DYRK1A: variants seen among roughly 807,000 people sequenced by gnomAD.
DYRK1A encodes dual specificity tyrosine phosphorylation regulated kinase 1A.
In DYRK1A, 9 loss-of-function variants were observed where a neutral mutation model predicts 79.7. The observed-to-expected ratio is 0.11, with a 90% CI of 0.07 to 0.20. The LOEUF is 0.20. Ranked by LOEUF, DYRK1A falls within the 10% of genes least tolerant of loss-of-function variation. DYRK1A has a pLI of 1.00. For synonymous variants in DYRK1A, 349 were observed against 329.7 expected (o/e 1.06, Z -0.63); for missense variants, 622 against 956.0 (o/e 0.65, Z 4.61).
Position 37,515,472 on chromosome 21 carries a change from A to ATG in DYRK1A, c.*2944_*2945dup, listed in dbSNP as rs2053869593. 1 of 152,098 alleles carries ATG rather than the reference A, an allele frequency of 6.6e-6. No homozygotes were observed. Among genetic ancestry groups the ATG allele is most frequent in the African/African-American group, 2.4e-5 (1 of 41,410 alleles). The allele number at this position is 152,098 out of a possible 1,614,324, so 9.4% of individuals were successfully genotyped here. ...TTTTAGTTGGTAGCATTTCGACTGG[A>ATG]TGTGAGGGTCTGATGGTTTTCTCTG... On this transcript the variant is annotated 3_prime_UTR_variant, in exon 12 of 12. Transcript: ENST00000647188.
intron 7 of DYRK1A, 114 bp from the exon 8 acceptor site, chr21:37,492,903 C>T: frequency 1.2e-6 from 1 of 800,226 alleles, no homozygotes; most frequent in Non-Finnish European, 1.9e-6. Context: ...TCAATGGAAC[C>T]CTAATTCAGG....
At chr21:37,460,192 C>G (rs919422477) in intron 2 of DYRK1A, among the ~76,000 whole-genome samples, 2 of 151,662 alleles carry the variant, frequency 1.3e-5, no homozygotes, top group East Asian at 3.9e-4. Flanking sequence ...TCAGTTAATA[C>G]CTAAAATTCG....
chr21:37,445,727 A>C (rs1179431866), intron 2 of DYRK1A, among the ~76,000 whole-genome samples: 1 of 152,194 alleles, frequency 6.6e-6, no homozygotes, highest in East Asian at 1.9e-4. Flanking sequence ...GGAGTACAGT[A>C]GTAACAGTTT....
At chr21:37,510,653 G>A (rs994835217) in intron 11 of DYRK1A, among the ~76,000 whole-genome samples, 1 of 152,164 alleles carries the variant, frequency 6.6e-6, no homozygotes, top group African/African-American at 2.4e-5. Context: ...TTGTGCAACA[G>A]TCCAGAATAG....
At chr21:37,461,749 A>G (rs57666071) in intron 2 of DYRK1A, among the ~76,000 whole-genome samples, 38,728 of 151,900 alleles carry the variant, frequency 0.25, 5,862 homozygotes, top group East Asian at 0.48. Context: ...TGACTCCCCT[A>G]TATGGAAACA....
At chr21:37,496,782 T>C (rs1489439398) in intron 9 of DYRK1A, among the ~76,000 whole-genome samples, 2 of 152,218 alleles carry the variant, frequency 1.3e-5, no homozygotes. Context: ...CTCATTGACT[T>C]GGATAGCAAA....
chr21:37,484,474 G>GC (rs1166764738), intron 5 of DYRK1A, among the ~76,000 whole-genome samples: 2 of 151,760 alleles, frequency 1.3e-5, no homozygotes, highest in Middle Eastern at 3.4e-3. Flanking sequence ...GATTGCAGGT[G>GC]CCCCCCACCA....
Position 37,501,007 on chromosome 21 carries a change from G to C in DYRK1A, c.1213-4276G>C, listed in dbSNP as rs929991085. Among the ~76,000 whole-genome samples the C allele has an allele frequency of 5.4e-5, 8 of 147,898 alleles. No homozygotes were observed. In the South Asian group the frequency reaches 6.4e-4, roughly 12 times the overall value. ...TGCTCTTCATTATGTCCATTTACTTGGGTTGAATTTACTCCTTTTCCAGCT... is the reference window on the plus strand; with the variant it reads ...TGCTCTTCATTATGTCCATTTACTTCGGTTGAATTTACTCCTTTTCCAGCT... On this transcript the variant is annotated intron_variant, in intron 9 of 11. Coordinates refer to ENST00000647188, the MANE Select transcript of DYRK1A (RefSeq NM_001347721.2).
chr21:37,475,060 C>T (rs2052350096), intron 3 of DYRK1A, among the ~76,000 whole-genome samples: 1 of 152,088 alleles, frequency 6.6e-6, no homozygotes, highest in African/African-American at 2.4e-5. Context: ...AGAATCTTTT[C>T]AGGACAAAAG....
chr21:37,500,940 C>T lies in DYRK1A; in HGVS notation c.1213-4343C>T, dbSNP rs778011788. ...GACTTTGTTGATTTCTTTTTTTTTT[C>T]TTTTCTTTTTCTATTCTTGATCTAG... On this transcript the variant is annotated intron_variant, in intron 9 of 11. Coordinates refer to ENST00000647188, the MANE Select transcript of DYRK1A (RefSeq NM_001347721.2). Among the ~76,000 whole-genome samples the T allele has an allele frequency of 5.7e-4, 76 of 134,448 alleles. 1 individual carries two copies. Among genetic ancestry groups the T allele is most frequent in the African/African-American group, 1.5e-3 (58 of 38,612 alleles). 88.2% of individuals were successfully genotyped at this position (134,448 alleles called of 152,430 possible).
intron 9 of DYRK1A, chr21:37,503,239 C>T (rs574690270): frequency 6.6e-6 from 1 of 152,290 alleles, no homozygotes; most frequent in South Asian, 2.1e-4. Context: ...TCTAGTTCTC[C>T]AGTGATGTGT....
chr21:37,370,451 G>C (rs1255338685), intron 1 of DYRK1A, among the ~76,000 whole-genome samples: 7 of 152,164 alleles, frequency 4.6e-5, no homozygotes, highest in Non-Finnish European at 1.0e-4. Flanking sequence ...TTGTGCCACT[G>C]AACACAAGAT....
chr21:37,377,922 G>A (rs1173474395), intron 1 of DYRK1A, among the ~76,000 whole-genome samples: 8 of 152,216 alleles, frequency 5.3e-5, no homozygotes, highest in African/African-American at 1.7e-4. Flanking sequence ...GCCATAGGAT[G>A]TCTATTTATA....
intron 1 of DYRK1A, among the ~76,000 whole-genome samples, chr21:37,379,523 A>G (rs1478175238): frequency 6.6e-6 from 1 of 152,198 alleles, no homozygotes; most frequent in Non-Finnish European, 1.5e-5. Flanking sequence ...ACCTGAAGGA[A>G]CTGTTGAGGA....
At chr21:37,372,448 C>CA (rs60876813) in intron 1 of DYRK1A, among the ~76,000 whole-genome samples, 1,937 of 117,138 alleles carry the variant, frequency 0.017, 33 homozygotes, top group African/African-American at 0.045. Flanking sequence ...AGCACTGTCT[C>CA]AAAAAAAAAA....
chr21:37,463,173 ATG>A (rs539137261), intron 2 of DYRK1A, among the ~76,000 whole-genome samples: 2,004 of 131,256 alleles, frequency 0.015, 31 homozygotes, highest in East Asian at 0.11. Context: ...TTGTGTGTGC[ATG>A]TGTGTGTGTG....
chr21:37,503,926 T>A (rs1459838870), intron 9 of DYRK1A: 1 of 152,210 alleles, frequency 6.6e-6, no homozygotes, highest in Admixed American at 6.5e-5. Context: ...TTCATGTGAT[T>A]GTGGACGTCA....
intron 5 of DYRK1A, among the ~76,000 whole-genome samples, chr21:37,482,028 A>G (rs1441032808): frequency 1.3e-5 from 2 of 152,180 alleles, no homozygotes; most frequent in African/African-American, 2.4e-5. Flanking sequence ...TCTGCAGTCC[A>G]AACTTTTGAC....
chr21:37,436,637 T>C (rs2050932961), intron 2 of DYRK1A, among the ~76,000 whole-genome samples: 1 of 152,224 alleles, frequency 6.6e-6, no homozygotes, highest in Admixed American at 6.5e-5. Flanking sequence ...GTGTATCCCT[T>C]TAATTGTTCT....
Sources: gnomAD v4.1 joint callset for allele counts (sites outside exome capture counted in the v4.1 genomes callset) on GRCh38, gnomAD v4.1.1 for gene constraint, MANE v1.5 for transcripts, NCBI Gene and HGNC (gene_info 2026-07-23, HGNC 2026-07-21) for gene names.